The following OSBPL6 variants were observed in gnomAD, a reference collection of about 807,000 sequenced individuals.
OSBPL6 encodes oxysterol-binding protein-related protein 6.
Under a neutral mutation model 125.8 loss-of-function variants are expected in OSBPL6, and 49 were observed. The observed-to-expected ratio is 0.39, with a 90% CI of 0.31 to 0.49. The LOEUF (loss-of-function observed/expected upper bound fraction) is 0.49. OSBPL6 is among the 20% of genes least tolerant of loss of function. OSBPL6 has a pLI of 0.88. For missense variants in OSBPL6, 986 were observed against 1,135.4 expected (o/e 0.87, Z 1.89); for synonymous variants, 394 against 391.8 (o/e 1.01, Z -0.07).
intron 1 of OSBPL6, among the ~76,000 whole-genome samples, chr2:178,283,317 T>C (rs1435555053): frequency 6.6e-6 from 1 of 152,122 alleles, no homozygotes; most frequent in Non-Finnish European, 1.5e-5. Flanking sequence ...TTTCAGTAAG[T>C]TGTAGCCTTA....
intron 1 of OSBPL6, among the ~76,000 whole-genome samples, chr2:178,228,417 CT>C (rs1449507343): frequency 6.6e-6 from 1 of 152,226 alleles, no homozygotes; most frequent in Non-Finnish European, 1.5e-5. Context: ...CGCCTGTAGT[CT>C]CAGCTACTCG....
At chr2:178,356,995 T>C (rs527538892) in intron 12 of OSBPL6, among the ~76,000 whole-genome samples, 4 of 152,284 alleles carry the variant, frequency 2.6e-5, no homozygotes, top group Non-Finnish European at 5.9e-5. Flanking sequence ...GAGAAAGGAT[T>C]CCCTATTTAA....
intron 2 of OSBPL6, among the ~76,000 whole-genome samples, chr2:178,304,727 C>T (rs1686605943): frequency 6.6e-6 from 1 of 152,142 alleles, no homozygotes; most frequent in Non-Finnish European, 1.5e-5. Flanking sequence ...ATATTCAGAC[C>T]ATAGCAACTG....
At chr2:178,316,868 G>T (rs1056310792) in intron 3 of OSBPL6, among the ~76,000 whole-genome samples, 2 of 151,938 alleles carry the variant, frequency 1.3e-5, no homozygotes, top group Non-Finnish European at 2.9e-5. Context: ...GTCCCCCAAG[G>T]ATACCAAGGG....
Position 178,328,300 on chromosome 2 carries a change from A to G in OSBPL6, c.240A>G (p.Gln80=), listed in dbSNP as rs368507971. 6.8e-5 allele frequency: 110 copies of G among 1,613,864 alleles called. 1 individual carries two copies. Among genetic ancestry groups the G allele is most frequent in the Admixed American group, 1.0e-4 (6 of 60,010 alleles). The change falls in exon 5 of 25, where the codon CAA becomes CAG. Residue 80 remains glutamine, a synonymous_variant. Transcript: ENST00000190611. The part of the protein sequence containing the change: ...WEIIEGLKIG[Q]TNVQKPDKHE... ...TTATAGAAGGGCTGAAAATAGGCCA[A>G]ACCAATGTCCAGAAACCAGACAAAC...
chr2:178,331,529 C>A (rs1379347324), intron 5 of OSBPL6, 23 bp from the exon 6 acceptor site: 2 of 1,613,498 alleles, frequency 1.2e-6, no homozygotes, highest in East Asian at 2.2e-5. Flanking sequence ...CAGACAGTAA[C>A]TGGGGGTGTT....
intron 1 of OSBPL6, among the ~76,000 whole-genome samples, chr2:178,281,855 T>C (rs1235087864): frequency 6.6e-6 from 1 of 152,068 alleles, no homozygotes; most frequent in Non-Finnish European, 1.5e-5. Context: ...ATGTGGGGCT[T>C]CATACCTAGG....
At chr2:178,236,462 G>A (rs1282962152) in intron 1 of OSBPL6, among the ~76,000 whole-genome samples, 3 of 152,186 alleles carry the variant, frequency 2.0e-5, no homozygotes, top group Non-Finnish European at 4.4e-5. Flanking sequence ...GGGAGAGTCT[G>A]ATGTCAGACA....
At chr2:178,314,047 G>A (rs1687526180) in intron 3 of OSBPL6, among the ~76,000 whole-genome samples, 1 of 152,200 alleles carries the variant, frequency 6.6e-6, no homozygotes, top group Non-Finnish European at 1.5e-5. Context: ...AGATCCCCCA[G>A]CATATACGTG....
In OSBPL6 at chr2:178,401,206, C is replaced by T. The variant is rs1247333412; in HGVS notation, c.*5647C>T. ...GCCGTCGGTATCCAGAATGACTGCT[C>T]TTGAAATGATATTTTGATGATGATG... On this transcript the variant is annotated 3_prime_UTR_variant, in exon 25 of 25. Coordinates refer to ENST00000190611, the MANE Select transcript of OSBPL6 (RefSeq NM_032523.4). The T allele has an allele frequency of 6.6e-6, 1 of 152,206 alleles. No homozygotes were observed. The highest frequency in any genetic ancestry group is 1.5e-5 in the Non-Finnish European group (1 of 68,048). The allele number at this position is 152,206 out of a possible 1,614,324, so 9.4% of individuals were successfully genotyped here. A position where few individuals can be genotyped will look rare whatever the true frequency, so the allele number is the denominator to read the frequency against.
At chr2:178,359,613 T>C (rs956219688) in intron 12 of OSBPL6, among the ~76,000 whole-genome samples, 1 of 152,214 alleles carries the variant, frequency 6.6e-6, no homozygotes, top group Non-Finnish European at 1.5e-5. Context: ...ACATGTTCAT[T>C]GCAGCATTAT....
chr2:178,214,201 T>C (rs557348753), intron 1 of OSBPL6, among the ~76,000 whole-genome samples: 1 of 152,330 alleles, frequency 6.6e-6, no homozygotes, highest in South Asian at 2.1e-4. Context: ...ATATGTTATA[T>C]GTATTTGAAC....
At chr2:178,216,852 A>G (rs1224720909) in intron 1 of OSBPL6, among the ~76,000 whole-genome samples, 1 of 152,188 alleles carries the variant, frequency 6.6e-6, no homozygotes, top group African/African-American at 2.4e-5. Flanking sequence ...GAGAGAATAA[A>G]AGGTTTGGCT....
chr2:178,361,924 A>AC, intron 13 of OSBPL6, 109 bp downstream of exon 13: 1 of 1,322,304 alleles, frequency 7.6e-7, no homozygotes, highest in South Asian at 1.6e-5. Context: ...TGGGGATAGT[A>AC]CAGTTTGCAG....
intron 11 of OSBPL6, among the ~76,000 whole-genome samples, chr2:178,340,645 T>A (rs1349632700): frequency 6.6e-6 from 1 of 152,094 alleles, no homozygotes; most frequent in Non-Finnish European, 1.5e-5. Context: ...ACAATCAAGA[T>A]TAGACTTTAT....
At position 178,402,722 on chromosome 2, in the gene OSBPL6, GA is replaced by G. The variant is rs1696132448; in HGVS notation, c.*7167del. 1.3e-5 allele frequency: 2 copies of G among 152,246 alleles called. No individual in the cohort carries two copies. The highest frequency in any genetic ancestry group is 4.8e-5 in the African/African-American group (2 of 41,554). The allele number at this position is 152,246 out of a possible 1,614,324, so 9.4% of individuals were successfully genotyped here. On this transcript the variant is annotated 3_prime_UTR_variant, in exon 25 of 25. Transcript: ENST00000190611. ...AAAAGAATTTCAAGCAACTTTCTAC[GA>G]AAATACAGCTTGTGGTTAAATTTCC... is the stretch of plus-strand genomic sequence containing the variant.
intron 1 of OSBPL6, among the ~76,000 whole-genome samples, chr2:178,263,418 C>T (rs2092125143): frequency 6.6e-6 from 1 of 152,158 alleles, no homozygotes; most frequent in Admixed American, 6.5e-5. Context: ...GCGGAGGTTG[C>T]AGTGAGCTGA....
intron 15 of OSBPL6, among the ~76,000 whole-genome samples, chr2:178,374,494 A>G (rs1042924131): frequency 1.3e-5 from 2 of 152,212 alleles, no homozygotes; most frequent in African/African-American, 4.8e-5. Context: ...TTGGGTAATT[A>G]TGCTTTTTGG....
chr2:178,305,743 G>T (rs994354388), intron 2 of OSBPL6, among the ~76,000 whole-genome samples: 2 of 152,064 alleles, frequency 1.3e-5, no homozygotes, highest in Non-Finnish European at 2.9e-5. Flanking sequence ...TAGCATCAGG[G>T]TCTCAAATAT....
Sources: gnomAD v4.1 joint callset for allele counts (sites outside exome capture counted in the v4.1 genomes callset) on GRCh38, gnomAD v4.1.1 for gene constraint, MANE v1.5 for transcripts, NCBI Gene and HGNC (gene_info 2026-07-23, HGNC 2026-07-21) for gene names.